The following EGLN1 variants were observed in gnomAD, a reference collection of about 807,000 sequenced individuals.
EGLN1 encodes the protein egl nine homolog 1.
Under a neutral mutation model 38.3 loss-of-function variants are expected in EGLN1, and 17 were observed. That is an observed-to-expected ratio of 0.44 (90% CI 0.30 to 0.67). The LOEUF is 0.67. Among genes scored for constraint, EGLN1 ranks in the 30% least tolerant of loss-of-function variants. EGLN1 has a pLI of 0.08. For missense variants in EGLN1, 477 were observed against 603.3 expected, an observed-to-expected ratio of 0.79 and a Z score of 2.19; for synonymous variants, 283 against 257.5, an observed-to-expected ratio of 1.10 and a Z score of -0.95.
intron 3 of EGLN1, 138 bp from the exon 4 acceptor site, chr1:231,367,774 C>T: frequency 2.7e-6 from 2 of 750,060 alleles, no homozygotes; most frequent in South Asian, 1.5e-5. Flanking sequence ...AATTTAACAG[C>T]TTATTTATAC....
chr1:231,390,374 TAAGA>T (rs1688336189), intron 1 of EGLN1, among the ~76,000 whole-genome samples: 1 of 152,242 alleles, frequency 6.6e-6, no homozygotes, highest in Admixed American at 6.5e-5. Context: ...TCATAAACTC[TAAGA>T]GAGTCTACTA....
chr1:231,379,306 GT>G (rs1482649138), intron 1 of EGLN1, among the ~76,000 whole-genome samples: 1 of 152,178 alleles, frequency 6.6e-6, no homozygotes, highest in African/African-American at 2.4e-5. Flanking sequence ...AAGATGTACA[GT>G]AAGTCCTCAC....
intron 1 of EGLN1, among the ~76,000 whole-genome samples, chr1:231,389,390 C>T (rs868843717): frequency 1.3e-5 from 2 of 151,644 alleles, no homozygotes; most frequent in Non-Finnish European, 2.9e-5. Flanking sequence ...CATTAGAGGG[C>T]GAACGTTGAC....
At chr1:231,376,685 T>C (rs1687966330) in intron 1 of EGLN1, among the ~76,000 whole-genome samples, 1 of 152,152 alleles carries the variant, frequency 6.6e-6, no homozygotes, top group African/African-American at 2.4e-5. Context: ...AACAGATATA[T>C]AATGTAATGT....
chr1:231,414,296 T>C (rs1689021520), intron 1 of EGLN1, among the ~76,000 whole-genome samples: 1 of 152,106 alleles, frequency 6.6e-6, no homozygotes, highest in Non-Finnish European at 1.5e-5. Context: ...TTGGGGTAGC[T>C]TTAAAGGCCT....
At chr1:231,405,426 C>G (rs1184339438) in intron 1 of EGLN1, among the ~76,000 whole-genome samples, 1 of 152,104 alleles carries the variant, frequency 6.6e-6, no homozygotes, top group African/African-American at 2.4e-5. Context: ...ATCCGCCCAC[C>G]TCAGCCTCCC....
chr1:231,382,823 C>T (rs532452975), intron 1 of EGLN1, among the ~76,000 whole-genome samples: 1 of 152,022 alleles, frequency 6.6e-6, no homozygotes, highest in Admixed American at 6.6e-5. Context: ...CTTGGGAGGC[C>T]GAGGCAGGTG....
chr1:231,380,445 T>C (rs1481107891), intron 1 of EGLN1, among the ~76,000 whole-genome samples: 1 of 147,538 alleles, frequency 6.8e-6, no homozygotes, highest in African/African-American at 2.4e-5. Flanking sequence ...ACTAATTCAT[T>C]TCTAAGTGTA....
intron 1 of EGLN1, among the ~76,000 whole-genome samples, chr1:231,389,705 T>C (rs1452524525): frequency 2.6e-5 from 4 of 152,080 alleles, no homozygotes; most frequent in Non-Finnish European, 4.4e-5. Flanking sequence ...TCCCAGCACT[T>C]TGGGGGGCCG....
intron 1 of EGLN1, among the ~76,000 whole-genome samples, chr1:231,409,134 T>C (rs1264626907): frequency 6.6e-6 from 1 of 151,736 alleles, no homozygotes; most frequent in African/African-American, 2.4e-5. Flanking sequence ...ATTTTCAAAC[T>C]GATAAAGGAA....
intron 1 of EGLN1, among the ~76,000 whole-genome samples, chr1:231,416,836 C>T (rs961928726): frequency 3.3e-5 from 5 of 152,210 alleles, no homozygotes; most frequent in Admixed American, 2.6e-4. Context: ...AGAATTACTG[C>T]AGTTGTACTA....
At position 231,370,811 on chromosome 1, in the gene EGLN1, G is replaced by A. The variant is rs2256908; in HGVS notation, c.1012-113C>T. The A allele has an allele frequency of 0.61, 721,345 of 1,182,026 alleles. 226,118 individuals are homozygous for A. Among genetic ancestry groups the A allele is most frequent in the Middle Eastern group, 0.66 (3,135 of 4,716 alleles). The allele number at this position is 1,182,026 out of a possible 1,614,324, so 73.2% of individuals were successfully genotyped here. On this transcript the variant is annotated intron_variant, in intron 2 of 4. Transcript: ENST00000366641. Reference sequence around the variant, plus strand: ...TCTTAATTGGATTATTCACAAATACGTCTCAATAAAGTATGAAGATGAGCT... The same window carrying A: ...TCTTAATTGGATTATTCACAAATACATCTCAATAAAGTATGAAGATGAGCT...
intron 1 of EGLN1, among the ~76,000 whole-genome samples, chr1:231,404,587 G>C (rs1688741139): frequency 6.6e-6 from 1 of 151,794 alleles, no homozygotes; most frequent in Admixed American, 6.6e-5. Context: ...AGACCATCCT[G>C]GGCAACATAG....
chr1:231,376,055 G>A (rs571243750), intron 1 of EGLN1, among the ~76,000 whole-genome samples: 5 of 152,126 alleles, frequency 3.3e-5, no homozygotes, highest in East Asian at 1.9e-4. Context: ...CTTGAACATC[G>A]ACTATGTATA....
chr1:231,415,178 T>C (rs908747312), intron 1 of EGLN1, among the ~76,000 whole-genome samples: 2 of 150,014 alleles, frequency 1.3e-5, no homozygotes, highest in Non-Finnish European at 3.0e-5. Flanking sequence ...GAGACTCAAG[T>C]GGGAGGATTG....
chr1:231,386,291 A>G (rs531206665), intron 1 of EGLN1, among the ~76,000 whole-genome samples: 28 of 152,336 alleles, frequency 1.8e-4, no homozygotes, highest in Admixed American at 3.9e-4. Context: ...TCTCATTTCA[A>G]TTCTGCAACA....
At chr1:231,377,990 A>G (rs1308784150) in intron 1 of EGLN1, among the ~76,000 whole-genome samples, 7 of 152,220 alleles carry the variant, frequency 4.6e-5, no homozygotes, top group African/African-American at 7.2e-5. Context: ...AATTCCCAGT[A>G]TAGCTCAATT....
At chr1:231,377,734 G>A (rs1687994412) in intron 1 of EGLN1, among the ~76,000 whole-genome samples, 1 of 152,158 alleles carries the variant, frequency 6.6e-6, no homozygotes, top group Non-Finnish European at 1.5e-5. Flanking sequence ...TTAGAGCCCT[G>A]GAGCCCTAGG....
intron 3 of EGLN1, among the ~76,000 whole-genome samples, chr1:231,369,244 G>A (rs919013271): frequency 1.3e-5 from 2 of 152,008 alleles, no homozygotes; most frequent in Middle Eastern, 3.2e-3. Flanking sequence ...CCTTCAAAGC[G>A]CACTTGCCCG....
Sources: gnomAD v4.1 joint callset for allele counts (sites outside exome capture counted in the v4.1 genomes callset) on GRCh38, gnomAD v4.1.1 for gene constraint, MANE v1.5 for transcripts, NCBI Gene and HGNC (gene_info 2026-07-23, HGNC 2026-07-21) for gene names.